RIMS1: variants seen among roughly 807,000 people sequenced by gnomAD.
The protein encoded by RIMS1 is regulating synaptic membrane exocytosis 1, also known as regulating synaptic membrane exocytosis protein 1.
RIMS1 carries 83 observed loss-of-function variants against 214.1 expected under a neutral mutation model. The observed-to-expected ratio is 0.39, with a 90% CI of 0.32 to 0.47. The LOEUF (loss-of-function observed/expected upper bound fraction) is 0.47, where lower values mean the gene tolerates loss of function less well. Ranked by LOEUF, RIMS1 falls within the 20% of genes least tolerant of loss-of-function variation. The probability of loss-of-function intolerance (pLI) is 0.99; values close to 1 mark genes in which losing one functional copy is unlikely to be tolerated. For synonymous variants in RIMS1, 793 were observed against 786.8 expected (o/e 1.01, Z -0.13); for missense variants, 2,050 against 2,161.8 (o/e 0.95, Z 1.03).
At chr6:72,396,260 A>T (rs2098775219) in intron 31 of RIMS1, among the ~76,000 whole-genome samples, 1 of 152,202 alleles carries the variant, frequency 6.6e-6, no homozygotes. Context: ...CTTATCTGTT[A>T]ACGTTTCTAC....
At chr6:72,029,158 C>A (rs1015415436) in intron 2 of RIMS1, among the ~76,000 whole-genome samples, 48 of 152,214 alleles carry the variant, frequency 3.2e-4, no homozygotes, top group Non-Finnish European at 6.9e-4. Flanking sequence ...TTGATCCTAT[C>A]ACCTCTCTTT....
intron 9 of RIMS1, among the ~76,000 whole-genome samples, 154 bp from the exon 10 acceptor site, chr6:72,242,160 G>T (rs570459952): frequency 7.2e-5 from 11 of 152,112 alleles, no homozygotes; most frequent in African/African-American, 2.6e-4. Flanking sequence ...CCATTTAGCT[G>T]ACATTATATG....
chr6:72,010,224 A>C (rs1485324809), intron 2 of RIMS1, among the ~76,000 whole-genome samples: 1 of 152,264 alleles, frequency 6.6e-6, no homozygotes, highest in Admixed American at 6.5e-5. Context: ...AGCGAAGAAA[A>C]AAAACACATG....
intron 27 of RIMS1, among the ~76,000 whole-genome samples, chr6:72,310,218 C>T (rs529319984): frequency 1.3e-5 from 2 of 152,122 alleles, no homozygotes; most frequent in South Asian, 4.1e-4. Flanking sequence ...TAGAACTGGA[C>T]TTTTTTTCAG....
intron 6 of RIMS1, among the ~76,000 whole-genome samples, chr6:72,218,107 C>CTTT (rs145835882): frequency 0.021 from 3,003 of 144,960 alleles, 89 homozygotes; most frequent in African/African-American, 0.064. Flanking sequence ...GGTTTTTTTG[C>CTTT]TTTTTTTTTT....
chr6:72,296,793 G>A (rs945518186), intron 26 of RIMS1, among the ~76,000 whole-genome samples: 2 of 151,920 alleles, frequency 1.3e-5, no homozygotes, highest in Non-Finnish European at 2.9e-5. Flanking sequence ...TTAACTCAAA[G>A]CTAGTTCTGA....
chr6:72,273,574 G>A lies in RIMS1; in HGVS notation c.3399-775G>A, dbSNP rs541024089. 3.9e-5 allele frequency among the ~76,000 whole-genome samples: 6 copies of A among 152,092 alleles called. No individual in the cohort carries two copies. The South Asian group carries it at 6.2e-4, about 16-fold the overall frequency. ...TTCTAACTTGTGTTTACTGTTAATC[G>A]CAAGAAAAGTATTGTAAATGCTGAG... On this transcript the variant is annotated intron_variant, in intron 22 of 33. Coordinates refer to ENST00000521978, the MANE Select transcript of RIMS1 (RefSeq NM_014989.7).
At chr6:72,366,812 G>A in intron 29 of RIMS1, 1 of 985,654 alleles carries the variant, frequency 1.0e-6, no homozygotes, top group Non-Finnish European at 1.2e-6. Context: ...TTGGCATTCA[G>A]TTTTCCCCAG....
intron 19 of RIMS1, chr6:72,261,930 C>A (rs913985754): frequency 7.1e-6 from 7 of 984,342 alleles, no homozygotes; most frequent in Non-Finnish European, 8.4e-6. Flanking sequence ...AAAGCATGAA[C>A]TATCCAGGTT....
At chr6:72,312,540 T>C (rs185537316) in intron 27 of RIMS1, among the ~76,000 whole-genome samples, 1 of 152,264 alleles carries the variant, frequency 6.6e-6, no homozygotes, top group Admixed American at 6.5e-5. Context: ...TTTAATCTTT[T>C]ATTTGATGAT....
At chr6:72,238,112 C>G (rs1257706379) in intron 9 of RIMS1, among the ~76,000 whole-genome samples, 190 bp downstream of exon 9, 1 of 151,514 alleles carries the variant, frequency 6.6e-6, no homozygotes, top group Non-Finnish European at 1.5e-5. Flanking sequence ...TTACCAATTG[C>G]AATAATAAGT....
intron 2 of RIMS1, among the ~76,000 whole-genome samples, chr6:71,999,148 CTAATT>C (rs1251717461): frequency 1.3e-5 from 2 of 152,140 alleles, no homozygotes; most frequent in Non-Finnish European, 2.9e-5. Flanking sequence ...TAATCAAAAT[CTAATT>C]TAAATACATA....
At chr6:72,040,926 C>A (rs1211826612) in intron 2 of RIMS1, among the ~76,000 whole-genome samples, 1 of 151,846 alleles carries the variant, frequency 6.6e-6, no homozygotes, top group African/African-American at 2.4e-5. Context: ...TACAACCCTA[C>A]AACCCCCCAA....
intron 7 of RIMS1, among the ~76,000 whole-genome samples, chr6:72,234,922 C>G (rs1196069470): frequency 1.3e-5 from 2 of 151,972 alleles, no homozygotes; most frequent in Non-Finnish European, 2.9e-5. Context: ...TTGTTTTTAT[C>G]ACTGAATAAT....
In RIMS1 at chr6:72,393,463, G is replaced by A. The variant is rs2098733627; in HGVS notation, c.4618+653G>A. Among the ~76,000 whole-genome samples, 3 of 152,132 alleles carry A rather than the reference G, an allele frequency of 2.0e-5. 1 individual carries two copies. The South Asian group carries it at 6.2e-4, about 32-fold the overall frequency. On this transcript the variant is annotated intron_variant, in intron 31 of 33. Coordinates refer to ENST00000521978, the MANE Select transcript of RIMS1 (RefSeq NM_014989.7). ...ATTCTTGCCGGGCGCTGTGGCTCAC[G>A]CCTGTAATCCCAGCACTTTGGGAGG...
chr6:71,945,786 G>T (rs1787630260), intron 1 of RIMS1, among the ~76,000 whole-genome samples: 2 of 140,096 alleles, frequency 1.4e-5, no homozygotes, highest in East Asian at 2.1e-4. Context: ...TTTCACTCTT[G>T]TCGCCCAGGC....
intron 26 of RIMS1, among the ~76,000 whole-genome samples, chr6:72,301,562 T>C (rs529669714): frequency 6.6e-6 from 1 of 151,804 alleles, no homozygotes; most frequent in South Asian, 2.1e-4. Flanking sequence ...TTCTTGTCAT[T>C]ATTCTATAAA....
At position 72,402,155 on chromosome 6, in the gene RIMS1, T is replaced by TA. The variant is rs537509888; in HGVS notation, c.*1453dup. On this transcript the variant is annotated 3_prime_UTR_variant, in exon 34 of 34. Coordinates refer to ENST00000521978, the MANE Select transcript of RIMS1 (RefSeq NM_014989.7). ...TGTTCAGAGCTGCATGCACATTTTG[T>TA]AAAAAAAAAAAATTTTAAAAAGAAA... The TA allele has an allele frequency of 0.19, 27,661 of 149,016 alleles. 3,193 individuals carry two copies. The highest frequency in any genetic ancestry group is 0.32 in the South Asian group (1,501 of 4,702). 9.2% of individuals were successfully genotyped at this position (149,016 alleles called of 1,614,324 possible). A position where few individuals can be genotyped will look rare whatever the true frequency, so the allele number is the denominator to read the frequency against.
At chr6:71,893,119 A>AT (rs748566269) in intron 1 of RIMS1, among the ~76,000 whole-genome samples, 15 of 152,182 alleles carry the variant, frequency 9.9e-5, no homozygotes, top group Non-Finnish European at 1.5e-4. Flanking sequence ...GAACACCAAG[A>AT]TTATATTTTC....
Sources: gnomAD v4.1 joint callset for allele counts (sites outside exome capture counted in the v4.1 genomes callset) on GRCh38, gnomAD v4.1.1 for gene constraint, MANE v1.5 for transcripts, NCBI Gene and HGNC (gene_info 2026-07-23, HGNC 2026-07-21) for gene names.